NOS1AP: variants seen among roughly 807,000 people sequenced by gnomAD.
The protein encoded by NOS1AP is nitric oxide synthase 1 adaptor protein, also known as carboxyl-terminal PDZ ligand of neuronal nitric oxide synthase protein.
A neutral mutation model predicts 56.2 loss-of-function variants in NOS1AP; 21 were observed. The ratio of observed to expected loss-of-function variants is 0.37; its 90% CI spans 0.26 to 0.54. NOS1AP has a LOEUF of 0.54. Ranked by LOEUF, NOS1AP falls within the 20% of genes least tolerant of loss-of-function variation. NOS1AP has a pLI of 0.84. For synonymous variants in NOS1AP, 270 were observed against 274.6 expected (o/e 0.98, Z 0.17); for missense variants, 522 against 657.8 (o/e 0.79, Z 2.26).
intron 1 of NOS1AP, among the ~76,000 whole-genome samples, chr1:162,125,587 T>C (rs1249758896): frequency 1.3e-5 from 2 of 152,200 alleles, no homozygotes; most frequent in East Asian, 3.8e-4. Flanking sequence ...TGGTTGTAAG[T>C]ATTTGGCTTT....
At chr1:162,355,451 A>G in intron 7 of NOS1AP, 98 bp downstream of exon 7, 1 of 1,449,382 alleles carries the variant, frequency 6.9e-7, no homozygotes, top group Non-Finnish European at 9.6e-7. Flanking sequence ...CGAGTGAGGC[A>G]CTCCATGGCA....
chr1:162,085,008 T>C (rs1691972009), intron 1 of NOS1AP, among the ~76,000 whole-genome samples: 1 of 152,144 alleles, frequency 6.6e-6, no homozygotes, highest in South Asian at 2.1e-4. Flanking sequence ...GCTGTTGCTG[T>C]TGAAAAATTT....
chr1:162,316,636 CA>C (rs1656240590), intron 4 of NOS1AP, among the ~76,000 whole-genome samples: 1 of 152,152 alleles, frequency 6.6e-6, no homozygotes, highest in South Asian at 2.1e-4. Context: ...AGAGAGTCAG[CA>C]AAGGGTGGTG....
In NOS1AP at chr1:162,170,317, G is replaced by C. The variant is rs141834061; in HGVS notation, c.177+15841G>C. Reference sequence around the variant, plus strand: ...TGATCCTCACAAAAGCCCTTGGAGGGAGGTACTGTTATTAGCCCCATTTTA... The same window carrying C: ...TGATCCTCACAAAAGCCCTTGGAGGCAGGTACTGTTATTAGCCCCATTTTA... On this transcript the variant is annotated intron_variant, in intron 2 of 9. Coordinates refer to ENST00000361897, the MANE Select transcript of NOS1AP (RefSeq NM_014697.3). Among the ~76,000 whole-genome samples, 73 of 152,254 alleles carry C rather than the reference G, an allele frequency of 4.8e-4. No homozygotes were observed. In the East Asian group the frequency reaches 0.014, roughly 29 times the overall value.
intron 8 of NOS1AP, chr1:162,364,531 G>C: frequency 2.0e-6 from 2 of 985,478 alleles, no homozygotes; most frequent in Non-Finnish European, 2.4e-6. Context: ...ACCAAGAACA[G>C]AGCTGTTGAC....
chr1:162,363,674 C>CA (rs1657975476), intron 8 of NOS1AP: 2 of 587,290 alleles, frequency 3.4e-6, no homozygotes, highest in African/African-American at 2.0e-5. Context: ...AATAAGCATA[C>CA]AAAAAACACT....
chr1:162,108,192 G>A (rs551934616), intron 1 of NOS1AP, among the ~76,000 whole-genome samples: 1 of 152,222 alleles, frequency 6.6e-6, no homozygotes, highest in East Asian at 1.9e-4. Context: ...TTCAGATTTG[G>A]AGCAGGAGAT....
intron 4 of NOS1AP, among the ~76,000 whole-genome samples, chr1:162,315,468 C>T (rs74803915): frequency 0.049 from 7,518 of 152,212 alleles, 514 homozygotes; most frequent in African/African-American, 0.15. Flanking sequence ...AGGATGGTGG[C>T]GTCACACCTC....
chr1:162,152,010 G>A (rs963046794), intron 1 of NOS1AP, among the ~76,000 whole-genome samples: 1 of 152,156 alleles, frequency 6.6e-6, no homozygotes, highest in Non-Finnish European at 1.5e-5. Context: ...CCCTTGTTAG[G>A]AAGCCTTGTC....
At chr1:162,300,589 C>T (rs751906777) in intron 3 of NOS1AP, 44 bp from the exon 4 acceptor site, 2 of 1,534,320 alleles carry the variant, frequency 1.3e-6, no homozygotes, top group Non-Finnish European at 1.8e-6. Flanking sequence ...CAGTGTGTGC[C>T]CTGGTCCTGT....
intron 1 of NOS1AP, among the ~76,000 whole-genome samples, chr1:162,084,038 T>C (rs1691952043): frequency 1.3e-5 from 2 of 152,220 alleles, no homozygotes; most frequent in African/African-American, 2.4e-5. Context: ...TTTTTCTATC[T>C]TCTGTGTCTT....
chr1:162,081,761 T>G (rs181228542), intron 1 of NOS1AP, among the ~76,000 whole-genome samples: 12 of 23,480 alleles, frequency 5.1e-4, no homozygotes, highest in Non-Finnish European at 1.3e-3. Context: ...TATAGATATA[T>G]ATATATATAT....
intron 6 of NOS1AP, among the ~76,000 whole-genome samples, chr1:162,344,624 T>A (rs771783401): frequency 1.3e-5 from 2 of 151,814 alleles, no homozygotes; most frequent in African/African-American, 2.4e-5. Context: ...GGCAGGAGAA[T>A]TGCTTCAACT....
intron 2 of NOS1AP, among the ~76,000 whole-genome samples, chr1:162,200,263 C>T (rs905049528): frequency 6.6e-6 from 1 of 152,162 alleles, no homozygotes; most frequent in Non-Finnish European, 1.5e-5. Flanking sequence ...GTTTTCACTC[C>T]TGTGGTTTTT....
rs1316018285 is a variant in NOS1AP, at chr1:162,368,451, AG to A, written c.*985del. 4.6e-5 allele frequency: 7 copies of A among 151,248 alleles called. No individual in the cohort carries two copies. Among genetic ancestry groups the A allele is most frequent in the African/African-American group, 1.5e-4 (6 of 41,034 alleles). 9.4% of individuals were successfully genotyped at this position (151,248 alleles called of 1,614,324 possible). On this transcript the variant is annotated 3_prime_UTR_variant, in exon 10 of 10. Transcript: ENST00000361897. The stretch of plus-strand genomic sequence containing the variant: ...CAGTTTTTACTGCAAAAAAAAAAAA[AG>A]AAAAAAGAGAAAGAAAAAAAAGAAT...
chr1:162,076,751 AC>A (rs781429992), intron 1 of NOS1AP, among the ~76,000 whole-genome samples: 14 of 151,942 alleles, frequency 9.2e-5, no homozygotes, highest in Admixed American at 2.0e-4. Flanking sequence ...TGTAATCCTT[AC>A]CCCCTGCGTC....
intron 1 of NOS1AP, among the ~76,000 whole-genome samples, chr1:162,131,004 T>C (rs1267769530): frequency 6.6e-6 from 1 of 152,194 alleles, no homozygotes; most frequent in Admixed American, 6.5e-5. Flanking sequence ...GACTTAGTTG[T>C]GAGTGAAACA....
At chr1:162,342,450 T>C (rs1657138195) in intron 5 of NOS1AP, 2 of 460,590 alleles carry the variant, frequency 4.3e-6, no homozygotes, top group Non-Finnish European at 8.9e-6. Context: ...GACTCCAGGC[T>C]TGAGGAGAAG....
intron 1 of NOS1AP, among the ~76,000 whole-genome samples, chr1:162,134,334 T>C (rs1320499682): frequency 6.6e-6 from 1 of 151,636 alleles, no homozygotes; most frequent in East Asian, 1.9e-4. Flanking sequence ...CTACTAAAAA[T>C]ACAAAAATTC....
Sources: gnomAD v4.1 joint callset for allele counts (sites outside exome capture counted in the v4.1 genomes callset) on GRCh38, gnomAD v4.1.1 for gene constraint, MANE v1.5 for transcripts, NCBI Gene and HGNC (gene_info 2026-07-23, HGNC 2026-07-21) for gene names.